GLIS3: variants seen among roughly 807,000 people sequenced by gnomAD.
GLIS3 encodes the protein zinc finger protein GLIS3.
In GLIS3, 53 loss-of-function variants were observed where a neutral mutation model predicts 78.6. The ratio of observed to expected loss-of-function variants is 0.67; its 90% CI spans 0.54 to 0.85. The LOEUF (loss-of-function observed/expected upper bound fraction) is 0.85, where lower values mean the gene tolerates loss of function less well. Ranked by LOEUF, GLIS3 falls within the 40% of genes least tolerant of loss-of-function variation. The pLI, the probability that GLIS3 is intolerant of heterozygous loss-of-function variation, is 0.00. For missense variants in GLIS3, 1,703 were observed against 1,231.1 expected, an observed-to-expected ratio of 1.38 and a Z score of -5.74; for synonymous variants, 684 against 509.9, an observed-to-expected ratio of 1.34 and a Z score of -4.60.
chr9:4,149,403 A>G (rs1368674840), intron 2 of GLIS3, among the ~76,000 whole-genome samples: 1 of 152,238 alleles, frequency 6.6e-6, no homozygotes, highest in Non-Finnish European at 1.5e-5. Flanking sequence ...CTATGAGTTC[A>G]TTCATATTCC....
the GLIS3 span, among the ~76,000 whole-genome samples, chr9:4,422,735 G>C: frequency 2.3e-4 from 35 of 152,326 alleles, no homozygotes; most frequent in African/African-American, 7.2e-4. Context: ...GCAGGTTAAT[G>C]AGATAAAGTG....
chr9:4,301,635 G>A (rs1237211483), upstream of GLIS3, among the ~76,000 whole-genome samples: 1 of 152,200 alleles, frequency 6.6e-6, no homozygotes, highest in African/African-American at 2.4e-5. Context: ...ACAAGCCTGG[G>A]TGGAGACTGC....
At chr9:4,186,399 T>A (rs1817799612) in intron 2 of GLIS3, among the ~76,000 whole-genome samples, 2 of 152,094 alleles carry the variant, frequency 1.3e-5, no homozygotes, top group African/African-American at 4.8e-5. Flanking sequence ...AGTCTATCAT[T>A]GTTGGACATT....
chr9:3,887,585 G>A (rs1822166288), intron 7 of GLIS3, among the ~76,000 whole-genome samples: 1 of 152,208 alleles, frequency 6.6e-6, no homozygotes, highest in African/African-American at 2.4e-5. Flanking sequence ...TGCGTAGGCT[G>A]CTCAATTACA....
chr9:3,915,172 C>G (rs1423005999), intron 6 of GLIS3, among the ~76,000 whole-genome samples: 1 of 152,172 alleles, frequency 6.6e-6, no homozygotes, highest in African/African-American at 2.4e-5. Flanking sequence ...CCTGTATAGA[C>G]TCTGCCAAAG....
At chr9:4,130,326 G>A (rs1832883248) in intron 2 of GLIS3, among the ~76,000 whole-genome samples, 2 of 152,334 alleles carry the variant, frequency 1.3e-5, no homozygotes, top group Admixed American at 6.5e-5. Flanking sequence ...TAAAGACAAG[G>A]CAAGTACTGA....
intron 2 of GLIS3, among the ~76,000 whole-genome samples, chr9:4,182,498 T>A (rs1018586020): frequency 1.3e-5 from 2 of 152,204 alleles, no homozygotes; most frequent in Non-Finnish European, 2.9e-5. Flanking sequence ...AGTGACAGTA[T>A]AGGGCAGAGG....
intron 2 of GLIS3, among the ~76,000 whole-genome samples, chr9:4,328,690 G>C (rs1355586684): frequency 6.6e-6 from 1 of 152,222 alleles, no homozygotes; most frequent in East Asian, 1.9e-4. Context: ...TCTATAGCTT[G>C]TGACCTTGGG....
chr9:3,828,479 G>T, intron 10 of GLIS3, 71 bp from the exon 11 acceptor site: 2 of 1,586,722 alleles, frequency 1.3e-6, no homozygotes, highest in South Asian at 2.2e-5. Flanking sequence ...ATGCACTACA[G>T]TAATGCAGCT....
At chr9:4,244,575 T>C (rs1012104331) in intron 2 of GLIS3, among the ~76,000 whole-genome samples, 1 of 152,002 alleles carries the variant, frequency 6.6e-6, no homozygotes, top group Non-Finnish European at 1.5e-5. Flanking sequence ...TCTCAAGGAA[T>C]TTTTTTTCTT....
At chr9:4,354,316 C>T in the GLIS3 span, among the ~76,000 whole-genome samples, 2 of 152,162 alleles carry the variant, frequency 1.3e-5, no homozygotes, top group African/African-American at 4.8e-5. Flanking sequence ...ATTTAGTTCG[C>T]ACTCTTGAAA....
the GLIS3 span, among the ~76,000 whole-genome samples, chr9:4,408,676 G>C: frequency 7.8e-6 from 1 of 128,374 alleles, no homozygotes; most frequent in Non-Finnish European, 1.6e-5. Context: ...GCAGTGAGCC[G>C]AGATCACGCC....
chr9:4,071,950 A>C (rs1408469917), intron 4 of GLIS3: 1 of 152,284 alleles, frequency 6.6e-6, no homozygotes, highest in African/African-American at 2.4e-5. Context: ...GCAAGGCAAC[A>C]GGTAACACTG....
chr9:4,134,820 G>A (rs1170753087), intron 2 of GLIS3, among the ~76,000 whole-genome samples: 1 of 152,152 alleles, frequency 6.6e-6, no homozygotes, highest in Non-Finnish European at 1.5e-5. Context: ...AGTAGTTCAG[G>A]AAACCTTCTT....
rs150403141 is a variant in GLIS3 at position 3,969,370 on chromosome 9, C to G, written c.1711-32181G>C. On this transcript the variant is annotated intron_variant, in intron 4 of 10. Transcript: ENST00000381971. ...AACCTTGTGCTATACGTTCCCTACACCTCACAGGAAATATCTCCAAAGAAG... is the reference window on the plus strand; with the variant it reads ...AACCTTGTGCTATACGTTCCCTACAGCTCACAGGAAATATCTCCAAAGAAG... Among the ~76,000 whole-genome samples the G allele has an allele frequency of 2.2e-4, 33 of 152,310 alleles. No individual in the cohort carries two copies. The East Asian group carries it at 6.0e-3, about 28-fold the overall frequency.
intron 4 of GLIS3, among the ~76,000 whole-genome samples, chr9:4,101,048 T>A (rs1830333101): frequency 6.6e-6 from 1 of 152,112 alleles, no homozygotes; most frequent in Admixed American, 6.6e-5. Flanking sequence ...AATCACAGCA[T>A]CTTCACGGAA....
At chr9:4,337,948 A>G (rs2130577907) in intron 2 of GLIS3, among the ~76,000 whole-genome samples, 2 of 152,084 alleles carry the variant, frequency 1.3e-5, no homozygotes. Context: ...GTGACCAAGC[A>G]GGAGCTAGGA....
intron 2 of GLIS3, among the ~76,000 whole-genome samples, chr9:4,163,015 C>G (rs1835616819): frequency 6.6e-6 from 1 of 152,208 alleles, no homozygotes; most frequent in South Asian, 2.1e-4. Flanking sequence ...CTCTCATCAT[C>G]CACATGAGGA....
the GLIS3 span, among the ~76,000 whole-genome samples, chr9:4,478,040 C>T: frequency 5.3e-5 from 8 of 152,252 alleles, no homozygotes; most frequent in South Asian, 1.7e-3. Context: ...TACTATTTCC[C>T]ATGAACCGGA....
Sources: allele counts gnomAD v4.1 joint callset (sites outside exome capture counted in the v4.1 genomes callset), GRCh38; gene constraint gnomAD v4.1.1; transcripts MANE v1.5; gene names NCBI Gene and HGNC (gene_info 2026-07-23, HGNC 2026-07-21).